Variants in COL6A5 observed in about 807,000 individuals in gnomAD.
COL6A5 encodes the protein collagen alpha-5(VI) chain.
Under a neutral mutation model 65.6 loss-of-function variants are expected in COL6A5, and 48 were observed. The ratio of observed to expected loss-of-function variants is 0.73; its 90% confidence interval spans 0.58 to 0.93. COL6A5 has a LOEUF of 0.93. COL6A5 is among the 40% of genes least tolerant of loss of function. COL6A5 has a pLI of 0.00. For synonymous variants in COL6A5, 291 were observed against 322.8 expected, an observed-to-expected ratio of 0.90 and a Z score of 1.05; for missense variants, 914 against 928.3, an observed-to-expected ratio of 0.98 and a Z score of 0.20.
At chr3:130,371,786 A>C (rs958562377) in intron 1 of COL6A5, among the ~76,000 whole-genome samples, 1 of 152,150 alleles carries the variant, frequency 6.6e-6, no homozygotes, top group African/African-American at 2.4e-5. Flanking sequence ...TATGACACTA[A>C]AAGCACTAGG....
At chr3:130,389,047 G>T (rs1331926144) in exon 6 of COL6A5, 2 of 1,500,068 alleles carry the variant, frequency 1.3e-6, no homozygotes, top group East Asian at 2.5e-5. Context: ...GATCAGTGGG[G>T]ATAGCAGCCT....
At chr3:130,453,720 A>G (rs368534274) in intron 4 of COL6A5, among the ~76,000 whole-genome samples, 6 of 152,188 alleles carry the variant, frequency 3.9e-5, no homozygotes, top group East Asian at 1.9e-4. Flanking sequence ...ATCCCTGACT[A>G]TAGCCTGTGA....
chr3:130,431,936 T>C, exon 1 of COL6A5: 1 of 1,549,600 alleles, frequency 6.5e-7, no homozygotes, highest in Non-Finnish European at 8.7e-7. Context: ...AGAGTTTTCC[T>C]TGAAGCTTTT....
At chr3:130,465,803 T>C (rs948902079) in intron 5 of COL6A5, among the ~76,000 whole-genome samples, 3 of 152,064 alleles carry the variant, frequency 2.0e-5, no homozygotes, top group Non-Finnish European at 4.4e-5. Context: ...CCAGTCATTG[T>C]AACGGTATTC....
At chr3:130,440,090 G>A in intron 2 of COL6A5, 76 bp from the exon 35 acceptor site, 2 of 1,133,620 alleles carry the variant, frequency 1.8e-6, no homozygotes, top group Non-Finnish European at 2.5e-6. Context: ...TAGTCACTGA[G>A]TCACTTGAAG....
chr3:130,431,661 C>T, exon 1 of COL6A5: 1 of 1,551,614 alleles, frequency 6.4e-7, no homozygotes, highest in Non-Finnish European at 8.7e-7. Flanking sequence ...ATCTCATCCG[C>T]TGGTCTGACT....
chr3:130,467,392 G>A (rs1430603671), intron 5 of COL6A5, among the ~76,000 whole-genome samples: 2 of 151,824 alleles, frequency 1.3e-5, no homozygotes, highest in East Asian at 1.9e-4. Flanking sequence ...ATAATTTATT[G>A]CATATTTCAA....
At chr3:130,472,832 C>CATAT (rs10654631) in intron 7 of COL6A5, among the ~76,000 whole-genome samples, 12,630 of 99,254 alleles carry the variant, frequency 0.13, 944 homozygotes, top group Non-Finnish European at 0.15. Context: ...TGTGTGTATA[C>CATAT]ATATATATAT....
At chr3:130,455,533 A>C (rs1458121678) in exon 5 of COL6A5, 1 of 1,612,768 alleles carries the variant, frequency 6.2e-7, no homozygotes, top group African/African-American at 1.3e-5. Context: ...GGAGAGAATC[A>C]CCTTTTGTAA....
intron 4 of COL6A5, among the ~76,000 whole-genome samples, chr3:130,453,257 T>C (rs1709488065): frequency 6.6e-6 from 1 of 152,112 alleles, no homozygotes; most frequent in Non-Finnish European, 1.5e-5. Context: ...CAATTTATGT[T>C]TAGAGATTGC....
At chr3:130,405,915 C>A in intron 14 of COL6A5, 78 bp from the exon 15 acceptor site, 1 of 1,357,530 alleles carries the variant, frequency 7.4e-7, no homozygotes, top group Non-Finnish European at 1.0e-6. Flanking sequence ...AATACATGCT[C>A]ACTCACTTTA....
At chr3:130,367,027 C>T (rs983089572) in intron 1 of COL6A5, among the ~76,000 whole-genome samples, 1 of 152,196 alleles carries the variant, frequency 6.6e-6, no homozygotes, top group Admixed American at 6.5e-5. Flanking sequence ...GTGTTTCACT[C>T]TGTGTCCAAA....
chr3:130,429,916 A>G (rs4688801), upstream of COL6A5, among the ~76,000 whole-genome samples: 7,728 of 152,134 alleles, frequency 0.051, 264 homozygotes, highest in Non-Finnish European at 0.073. Context: ...CGCCCTTGAC[A>G]CTGGCTTCTT....
chr3:130,440,307 T>C (rs749200110), exon 3 of COL6A5: 2 of 1,613,380 alleles, frequency 1.2e-6, no homozygotes, highest in Admixed American at 3.3e-5. Flanking sequence ...AGCTCAGTGA[T>C]TGACAACTTC....
chr3:130,432,287 G>A (rs909808842), intron 1 of COL6A5, among the ~76,000 whole-genome samples: 1 of 152,156 alleles, frequency 6.6e-6, no homozygotes, highest in Admixed American at 6.5e-5. Context: ...GGGCGCGGTG[G>A]CTCATGCCTG....
At chr3:130,456,243 C>A (rs1709569271) in intron 5 of COL6A5, among the ~76,000 whole-genome samples, 1 of 151,764 alleles carries the variant, frequency 6.6e-6, no homozygotes, top group Admixed American at 6.6e-5. Flanking sequence ...ATTTTAATGG[C>A]AAAGCAATAA....
intron 7 of COL6A5, among the ~76,000 whole-genome samples, chr3:130,481,747 G>A (rs1040219193): frequency 3.3e-5 from 5 of 152,254 alleles, no homozygotes; most frequent in Non-Finnish European, 7.3e-5. Context: ...TCTAACTGGC[G>A]TGAGATAGTA....
exon 6 of COL6A5, chr3:130,469,178 T>A (rs758191037): frequency 6.2e-7 from 1 of 1,613,276 alleles, no homozygotes; most frequent in Non-Finnish European, 8.5e-7. Context: ...TGCCTTGCAG[T>A]GGACAATTGA....
At chr3:130,474,931 C>G (rs1251023136) in intron 7 of COL6A5, among the ~76,000 whole-genome samples, 1 of 147,912 alleles carries the variant, frequency 6.8e-6, no homozygotes, top group East Asian at 2.0e-4. Flanking sequence ...TGCTTGAGCC[C>G]CAAAGGTCAA....
Sources: allele counts gnomAD v4.1 joint callset (sites outside exome capture counted in the v4.1 genomes callset), GRCh38; gene constraint gnomAD v4.1.1; transcripts MANE v1.5; gene names NCBI Gene and HGNC (gene_info 2026-07-23, HGNC 2026-07-21).